The following MYO3A variants were observed in gnomAD, a reference collection of about 807,000 sequenced individuals.
The protein encoded by MYO3A is myosin IIIA, also known as myosin-IIIa.
Under a neutral mutation model 192.7 loss-of-function variants are expected in MYO3A, and 180 were observed. That is an observed-to-expected ratio of 0.93 (90% confidence interval 0.83 to 1.06). MYO3A has a LOEUF of 1.06. Among genes scored for constraint, MYO3A ranks in the 50% least tolerant of loss-of-function variants. MYO3A has a pLI of 0.00. For synonymous variants in MYO3A, 628 were observed against 645.3 expected (o/e 0.97, Z 0.41); for missense variants, 1,896 against 1,905.0 (o/e 1.00, Z 0.09).
At chr10:26,158,263 T>C (rs1002952322) in intron 26 of MYO3A, among the ~76,000 whole-genome samples, 1 of 152,004 alleles carries the variant, frequency 6.6e-6, no homozygotes, top group Non-Finnish European at 1.5e-5. Context: ...TATTTTTTTT[T>C]TTTTTTTGAG....
At chr10:26,086,867 G>A (rs867167951) in intron 14 of MYO3A, among the ~76,000 whole-genome samples, 24 of 152,194 alleles carry the variant, frequency 1.6e-4, no homozygotes, top group African/African-American at 5.1e-4. Context: ...TCTGCAGGCT[G>A]ATAGAGTTTC....
Position 26,158,254 on chromosome 10 carries a change from ATTTTT to A in MYO3A, c.2999+751_2999+755del, listed in dbSNP as rs71521668. Among the ~76,000 whole-genome samples, 40 of 141,466 alleles carry A rather than the reference ATTTTT, an allele frequency of 2.8e-4. 1 individual carries two copies. In the South Asian group the frequency reaches 9.3e-3, roughly 33 times the overall value. The allele number at this position is 141,466 out of a possible 152,430, so 92.8% of individuals were successfully genotyped here. A position where few individuals can be genotyped will look rare whatever the true frequency, so the allele number is the denominator to read the frequency against. On this transcript the variant is annotated intron_variant, in intron 26 of 34. Coordinates refer to ENST00000642920, the MANE Select transcript of MYO3A (RefSeq NM_017433.5). ...ATTGGTATAAGGAATGTTTTATTTT[ATTTTT>A]TTTTTTTTTTTGAGACGGAGTCTGG...
intron 31 of MYO3A, among the ~76,000 whole-genome samples, chr10:26,179,319 C>T (rs7908212): frequency 0.74 from 111,386 of 151,326 alleles, 41,542 homozygotes; most frequent in African/African-American, 0.84. Flanking sequence ...GCCAGGCTGA[C>T]CTCAAACTCC....
At chr10:26,133,521 G>C (rs1356332933) in intron 20 of MYO3A, among the ~76,000 whole-genome samples, 1 of 152,156 alleles carries the variant, frequency 6.6e-6, no homozygotes, top group Admixed American at 6.5e-5. Context: ...GTGAAGTTTG[G>C]TCGACACCCT....
intron 31 of MYO3A, among the ~76,000 whole-genome samples, chr10:26,190,624 T>C (rs1843081686): frequency 6.6e-6 from 1 of 152,134 alleles, no homozygotes; most frequent in Admixed American, 6.5e-5. Flanking sequence ...GTACTGGGAA[T>C]ACAAAGAAAA....
chr10:26,193,117 TATA>T (rs1843230195), intron 31 of MYO3A, 85 bp from the exon 32 acceptor site: 1 of 1,059,214 alleles, frequency 9.4e-7, no homozygotes, highest in South Asian at 1.3e-5. Context: ...GTCATATGTG[TATA>T]ATTTCTTATT....
Position 25,987,980 on chromosome 10 carries a change from A to G in MYO3A, c.304-8510A>G, listed in dbSNP as rs150476026. 1.2e-3 allele frequency among the ~76,000 whole-genome samples: 178 copies of G among 151,916 alleles called. 4 individuals are homozygous for G. In the East Asian group the frequency reaches 0.032, roughly 27 times the overall value. On this transcript the variant is annotated intron_variant, in intron 4 of 34. Coordinates refer to ENST00000642920, the MANE Select transcript of MYO3A (RefSeq NM_017433.5). ...TGCCCATCAATTAACAGGTGGATAA[A>G]GAAAATGTGATATATATATATGATC...
chr10:26,141,110 G>A (rs1840138211), intron 20 of MYO3A, among the ~76,000 whole-genome samples: 1 of 152,040 alleles, frequency 6.6e-6, no homozygotes, highest in African/African-American at 2.4e-5. Flanking sequence ...TGTATTTTTA[G>A]TAGAGATGGG....
chr10:25,996,324 T>G (rs891075055), intron 4 of MYO3A, among the ~76,000 whole-genome samples, 166 bp from the exon 5 acceptor site: 1 of 152,242 alleles, frequency 6.6e-6, no homozygotes, highest in African/African-American at 2.4e-5. Context: ...TTTACACAAG[T>G]CTAAGTTTAT....
intron 31 of MYO3A, among the ~76,000 whole-genome samples, chr10:26,188,807 G>A (rs1437211267): frequency 6.6e-6 from 1 of 152,112 alleles, no homozygotes; most frequent in Admixed American, 6.5e-5. Flanking sequence ...TAGATAAGTG[G>A]CATTATTTCT....
chr10:26,141,690 C>A lies in MYO3A; in HGVS notation c.2263-1758C>A, dbSNP rs529012054. 1.0e-3 allele frequency among the ~76,000 whole-genome samples: 159 copies of A among 152,290 alleles called. 4 individuals are homozygous for A. In the South Asian group the frequency reaches 0.032, roughly 31 times the overall value. On this transcript the variant is annotated intron_variant, in intron 20 of 34. Transcript: ENST00000642920. ...GTCTAACAGTAAAATAATTCTAGGT[C>A]TACTCACTTCTCCCAAGGTTACCTT...
chr10:26,156,317 A>G (rs1350748915), intron 25 of MYO3A, among the ~76,000 whole-genome samples: 1 of 152,156 alleles, frequency 6.6e-6, no homozygotes, highest in Non-Finnish European at 1.5e-5. Flanking sequence ...TACATTTCCA[A>G]CACTAAACGG....
intron 6 of MYO3A, among the ~76,000 whole-genome samples, chr10:26,002,600 A>G (rs1840900934): frequency 6.6e-6 from 1 of 151,684 alleles, no homozygotes; most frequent in Admixed American, 6.6e-5. Flanking sequence ...TGGACCAGGT[A>G]ATCGGAATGA....
chr10:25,964,631 A>T (rs1838149526), intron 4 of MYO3A, among the ~76,000 whole-genome samples: 1 of 152,196 alleles, frequency 6.6e-6, no homozygotes, highest in African/African-American at 2.4e-5. Flanking sequence ...AGTAGTTTAT[A>T]CACCACAGTC....
At chr10:26,103,241 CA>C (rs1465447609) in intron 17 of MYO3A, among the ~76,000 whole-genome samples, 1 of 152,206 alleles carries the variant, frequency 6.6e-6, no homozygotes, top group Middle Eastern at 3.2e-3. Flanking sequence ...ATTGGAAAAG[CA>C]CAGTATTAGG....
chr10:26,082,127 G>C (rs1298281968), intron 14 of MYO3A, among the ~76,000 whole-genome samples: 1 of 152,116 alleles, frequency 6.6e-6, no homozygotes, highest in Non-Finnish European at 1.5e-5. Context: ...TTCTGTTTCT[G>C]TGAAGAATGC....
chr10:25,962,190 T>C (rs1588665703), intron 4 of MYO3A, among the ~76,000 whole-genome samples: 1 of 152,186 alleles, frequency 6.6e-6, no homozygotes, highest in African/African-American at 2.4e-5. Flanking sequence ...TTTCTCTAGT[T>C]ACAATTTTAA....
chr10:26,186,262 C>T (rs1240018713), intron 31 of MYO3A, among the ~76,000 whole-genome samples: 1 of 142,924 alleles, frequency 7.0e-6, no homozygotes, highest in East Asian at 2.1e-4. Context: ...TCAGTGATAT[C>T]CTTCTTTTTT....
intron 6 of MYO3A, among the ~76,000 whole-genome samples, chr10:26,015,106 G>A (rs766418348): frequency 1.3e-5 from 2 of 152,152 alleles, no homozygotes; most frequent in African/African-American, 2.4e-5. Context: ...CAAAGCAAAC[G>A]ACTGAAGAAG....
Sources: gnomAD v4.1 joint callset for allele counts (sites outside exome capture counted in the v4.1 genomes callset) on GRCh38, gnomAD v4.1.1 for gene constraint, MANE v1.5 for transcripts, NCBI Gene and HGNC (gene_info 2026-07-23, HGNC 2026-07-21) for gene names.